AKAP8: variants seen among roughly 807,000 people sequenced by gnomAD.
AKAP8 encodes A-kinase anchoring protein 8.
Under a neutral mutation model 67.5 loss-of-function variants are expected in AKAP8, and 24 were observed. That is an observed-to-expected ratio of 0.36 (90% confidence interval 0.26 to 0.50). The LOEUF (loss-of-function observed/expected upper bound fraction) is 0.50. AKAP8 is among the 20% of genes least tolerant of loss of function. The pLI is 0.97. For missense variants in AKAP8, 971 were observed against 955.9 expected, an observed-to-expected ratio of 1.02 and a Z score of -0.21; for synonymous variants, 400 against 371.1, an observed-to-expected ratio of 1.08 and a Z score of -0.90.
In AKAP8 at chr19:15,362,271, A is replaced by AG; in HGVS notation, c.1161-21dup. 1 of 1,613,690 alleles carries AG rather than the reference A, an allele frequency of 6.2e-7. No homozygotes were observed. Among genetic ancestry groups the AG allele is most frequent in the Non-Finnish European group, 8.5e-7 (1 of 1,179,836 alleles). On this transcript the variant is annotated intron_variant, in intron 9 of 13. Transcript: ENST00000269701. ...TGAATTCTGTAGAAGGAAAACAAGG[A>AG]GGGGAGTGAAGCAGGGAGCATCAGC...
chr19:15,362,297 G>A (rs766090849), intron 9 of AKAP8, 46 bp from the exon 10 acceptor site: 8 of 1,607,888 alleles, frequency 5.0e-6, no homozygotes, highest in East Asian at 2.2e-5. Context: ...GAGCATCAGC[G>A]AGTGAAGCAG....
chr19:15,356,139 A>G (rs2048276887), intron 13 of AKAP8, among the ~76,000 whole-genome samples: 1 of 151,858 alleles, frequency 6.6e-6, no homozygotes, highest in African/African-American at 2.4e-5. Context: ...GATGGCTCAC[A>G]CCTGTAATCC....
chr19:15,372,827 G>A lies in AKAP8; in HGVS notation c.861+24C>T, dbSNP rs181841776. On this transcript the variant is annotated intron_variant, in intron 5 of 13. Transcript: ENST00000269701. The stretch of plus-strand genomic sequence containing the variant: ...GCTAAAAAGAGAAGCGAAGGCGGCC[G>A]GAAGGAACCTTGCGAGGGCTTACCC... The A allele has an allele frequency of 1.3e-4, 194 of 1,482,226 alleles. 1 individual carries two copies. Among genetic ancestry groups the A allele is most frequent in the East Asian group, 3.8e-4 (16 of 42,208 alleles). The allele number at this position is 1,482,226 out of a possible 1,614,324, so 91.8% of individuals were successfully genotyped here.
intron 13 of AKAP8, 61 bp from the exon 14 acceptor site, chr19:15,355,431 G>T: frequency 6.7e-7 from 1 of 1,483,870 alleles, no homozygotes; most frequent in South Asian, 1.3e-5. Context: ...GCCCATGATT[G>T]CGGGGATGTC....
At chr19:15,363,325 C>T (rs1217560694) in intron 9 of AKAP8, among the ~76,000 whole-genome samples, 6 of 132,826 alleles carry the variant, frequency 4.5e-5, no homozygotes, top group East Asian at 2.5e-4. Flanking sequence ...ACCCTCTGCC[C>T]GGCCAGCCGC....
chr19:15,353,393 C>T lies in AKAP8; in HGVS notation c.*1522G>A, dbSNP rs2048257479. ...CAGTTCCACTAGTGATGTTTTTCTG[C>T]ACTACTGTTTAATGCTACCGACATT... On this transcript the variant is annotated 3_prime_UTR_variant, in exon 14 of 14. Coordinates refer to ENST00000269701, the MANE Select transcript of AKAP8 (RefSeq NM_005858.4). 1.7e-5 allele frequency: 2 copies of T among 117,950 alleles called. No individual in the cohort carries two copies. Among genetic ancestry groups the T allele is most frequent in the African/African-American group, 6.1e-5 (2 of 32,856 alleles). The allele number at this position is 117,950 out of a possible 1,614,324, so 7.3% of individuals were successfully genotyped here.
chr19:15,371,025 G>A (rs552715020), intron 7 of AKAP8, among the ~76,000 whole-genome samples: 5 of 152,208 alleles, frequency 3.3e-5, no homozygotes, highest in East Asian at 1.9e-4. Flanking sequence ...GTGAACATAC[G>A]GCTAAATTAA....
intron 10 of AKAP8, 60 bp downstream of exon 10, chr19:15,362,050 G>A: frequency 6.3e-7 from 1 of 1,594,582 alleles, no homozygotes; most frequent in Non-Finnish European, 8.5e-7. Context: ...CCTCCTTCAA[G>A]GGATCCGGCA....
At chr19:15,378,804 GCT>G (rs1487750928) in intron 1 of AKAP8, among the ~76,000 whole-genome samples, 4 of 152,292 alleles carry the variant, frequency 2.6e-5, no homozygotes, top group East Asian at 1.9e-4. Flanking sequence ...CTCCCAAAAG[GCT>G]CTGATTCCAG....
chr19:15,379,444 C>A, intron 1 of AKAP8: 1 of 454,774 alleles, frequency 2.2e-6, no homozygotes. Flanking sequence ...GTCTAAGACG[C>A]CCCCACGAAG....
intron 5 of AKAP8, 107 bp from the exon 6 acceptor site, chr19:15,372,454 CTT>C: frequency 6.9e-7 from 1 of 1,442,154 alleles, no homozygotes; most frequent in Non-Finnish European, 9.4e-7. Flanking sequence ...CACAAAAGGT[CTT>C]TTCAAAAAGC....
At chr19:15,379,314 G>A (rs910744034) in intron 1 of AKAP8, 41 of 209,634 alleles carry the variant, frequency 2.0e-4, no homozygotes, top group African/African-American at 8.3e-4. Context: ...CTGTAGCTCC[G>A]CCCCCCTAGC....
chr19:15,353,713 GGCCA>G lies in AKAP8; in HGVS notation c.*1198_*1201del, dbSNP rs1406502886. The G allele has an allele frequency of 1.3e-5, 2 of 152,152 alleles. No individual in the cohort carries two copies. The highest frequency in any genetic ancestry group is 4.8e-5 in the African/African-American group (2 of 41,488). 9.4% of individuals were successfully genotyped at this position (152,152 alleles called of 1,614,324 possible). A position where few individuals can be genotyped will look rare whatever the true frequency, so the allele number is the denominator to read the frequency against. ...GCCTCCTTTCTAATGATTTCCCAGTGGCCAGCGTTTCCCAACATGTGAGATGTAC... is the reference window on the plus strand; with the variant it reads ...GCCTCCTTTCTAATGATTTCCCAGTGGCGTTTCCCAACATGTGAGATGTAC... On this transcript the variant is annotated 3_prime_UTR_variant, in exon 14 of 14. Coordinates refer to ENST00000269701, the MANE Select transcript of AKAP8 (RefSeq NM_005858.4).
rs1967120181 is a variant in AKAP8, at chr19:15,369,508, C to G, written c.1072+638G>C. On this transcript the variant is annotated intron_variant, in intron 8 of 13. Coordinates refer to ENST00000269701, the MANE Select transcript of AKAP8 (RefSeq NM_005858.4). The surrounding 1 kb of genome is among the most constrained non-coding windows in gnomAD (Gnocchi z 4.6). ...GGGTGAGCTCCAGGCCGCGGCACCT[C>G]AGGCCGCTCTGCCATGAGGGATTTA... 2.0e-5 allele frequency among the ~76,000 whole-genome samples: 3 copies of G among 152,218 alleles called. 1 individual carries two copies. In the South Asian group the frequency reaches 6.2e-4, roughly 32 times the overall value.
At position 15,360,880 on chromosome 19, in the gene AKAP8, G is replaced by T; in HGVS notation, c.1495C>A (p.Leu499Met). The change falls in exon 12 of 14, where the codon CTG becomes ATG. Residue 499 changes from leucine (L) to methionine (M), a missense_variant. Physicochemically the swap from Leu to Met is conservative, Grantham distance 15 (BLOSUM62 2). This residue lies in a region of AKAP8 where 763 missense variants were observed against 745.4 expected (regional missense o/e 1.02). Coordinates refer to ENST00000269701, the MANE Select transcript of AKAP8 (RefSeq NM_005858.4). The part of the protein sequence containing the change: ...PAQPQLLQRH[L>M]HSVDHNHNRR... ...TTGTGATTGTGGTCCACGGAGTGCAGGTGCCGCTGGAGGAGCTGCGGCTGT... is the reference window on the plus strand; with the variant it reads ...TTGTGATTGTGGTCCACGGAGTGCATGTGCCGCTGGAGGAGCTGCGGCTGT... 1 of 1,613,610 alleles carries T rather than the reference G, an allele frequency of 6.2e-7. No individual in the cohort carries two copies. Among genetic ancestry groups the T allele is most frequent in the Non-Finnish European group, 8.5e-7 (1 of 1,179,852 alleles).
At chr19:15,364,920 G>C (rs1175618099) in intron 9 of AKAP8, among the ~76,000 whole-genome samples, 1 of 152,236 alleles carries the variant, frequency 6.6e-6, no homozygotes, top group Admixed American at 6.5e-5. Context: ...CACTCAGCCA[G>C]GGAAAGTGGC....
intron 13 of AKAP8, among the ~76,000 whole-genome samples, chr19:15,356,394 CAG>C (rs935264715): frequency 3.4e-5 from 5 of 149,134 alleles, no homozygotes; most frequent in African/African-American, 1.0e-4. Flanking sequence ...GCCTGGGCGA[CAG>C]AGTCAGACTC....
chr19:15,367,272 G>C (rs1166027209), intron 9 of AKAP8, among the ~76,000 whole-genome samples: 1 of 152,060 alleles, frequency 6.6e-6, no homozygotes, highest in Non-Finnish European at 1.5e-5. Flanking sequence ...GCTCACGCTT[G>C]TAATACCAGC....
At chr19:15,363,076 G>A (rs1967000634) in intron 9 of AKAP8, among the ~76,000 whole-genome samples, 1 of 151,158 alleles carries the variant, frequency 6.6e-6, no homozygotes. Flanking sequence ...GAGACCCTCT[G>A]CCTGGCAACC....
Sources: gnomAD v4.1 joint callset for allele counts (sites outside exome capture counted in the v4.1 genomes callset) on GRCh38, gnomAD v4.1.1 for gene constraint, gnomAD v4.1.1 regional missense constraint, Gnocchi (gnomAD v3.1) non-coding constraint, MANE v1.5 for transcripts, NCBI Gene and HGNC (gene_info 2026-07-23, HGNC 2026-07-21) for gene names.